The following IL1RAPL1 variants were observed in gnomAD, a reference collection of about 807,000 sequenced individuals.
The protein encoded by IL1RAPL1 is interleukin 1 receptor accessory protein like 1.
Under a neutral mutation model 48.4 loss-of-function variants are expected in IL1RAPL1, and 3 were observed. The ratio of observed to expected loss-of-function variants is 0.06; its 90% CI spans 0.03 to 0.16. The LOEUF (loss-of-function observed/expected upper bound fraction) is 0.16. Ranked by LOEUF, IL1RAPL1 falls within the 10% of genes least tolerant of loss-of-function variation. The probability of loss-of-function intolerance (pLI) is 1.00; values close to 1 mark genes in which losing one functional copy is unlikely to be tolerated. For missense variants in IL1RAPL1, 349 were observed against 530.6 expected, an observed-to-expected ratio of 0.66 and a Z score of 3.36; for synonymous variants, 185 against 187.7, an observed-to-expected ratio of 0.99 and a Z score of 0.12.
intron 2 of IL1RAPL1, among the ~76,000 whole-genome samples, chrX:29,253,381 A>C (rs988046609): frequency 3.6e-5 from 4 of 111,518 alleles, no homozygotes; most frequent in African/African-American, 1.3e-4. Context: ...TAAGTCTTAG[A>C]TAACAAAAGG....
chrX:29,659,215 G>A (rs1016726279), intron 5 of IL1RAPL1, among the ~76,000 whole-genome samples: 1 of 111,461 alleles, frequency 9.0e-6, no homozygotes, highest in Non-Finnish European at 1.9e-5. Context: ...CCAATGGAAC[G>A]AAATAGAGTT....
chrX:28,757,793 CTT>C (rs1176431185), intron 1 of IL1RAPL1, among the ~76,000 whole-genome samples: 1 of 112,089 alleles, frequency 8.9e-6, no homozygotes, highest in African/African-American at 3.2e-5. Flanking sequence ...CTTATTTACT[CTT>C]TAGTCGACGT....
At chrX:29,078,099 G>A (rs370960383) in intron 2 of IL1RAPL1, among the ~76,000 whole-genome samples, 1 of 111,557 alleles carries the variant, frequency 9.0e-6, no homozygotes, top group Non-Finnish European at 1.9e-5. Context: ...GTGAAACTCC[G>A]TGTCTACTAA....
At chrX:28,631,727 G>A (rs1235296031) in intron 1 of IL1RAPL1, among the ~76,000 whole-genome samples, 1 of 112,497 alleles carries the variant, frequency 8.9e-6, no homozygotes, top group Non-Finnish European at 1.9e-5. Context: ...AGATTAAGAA[G>A]GTTTCAACAC....
chrX:29,288,128 A>G (rs1398148604), intron 3 of IL1RAPL1, among the ~76,000 whole-genome samples: 1 of 111,090 alleles, frequency 9.0e-6, no homozygotes, highest in Non-Finnish European at 1.9e-5. Flanking sequence ...TTTATTTTTT[A>G]TTTTTTATTT....
intron 2 of IL1RAPL1, among the ~76,000 whole-genome samples, chrX:29,256,674 C>T (rs991687276): frequency 9.0e-6 from 1 of 111,041 alleles, no homozygotes; most frequent in East Asian, 2.8e-4. Context: ...GGGTAGCTTC[C>T]GAGATCACCG....
chrX:28,702,803 C>T (rs1379443758), intron 1 of IL1RAPL1, among the ~76,000 whole-genome samples: 5 of 106,850 alleles, frequency 4.7e-5, no homozygotes, highest in African/African-American at 1.7e-4. Flanking sequence ...ACATGTTTTT[C>T]CTGTATTTAT....
intron 1 of IL1RAPL1, among the ~76,000 whole-genome samples, chrX:28,737,205 CTCTTTCTTTCTTTCTTTCTTTCTT>C (rs762616408): frequency 1.6e-4 from 8 of 50,275 alleles, no homozygotes; most frequent in Admixed American, 2.7e-4. Context: ...TTCTTTCTTT[CTCTTTCTTTCTTTCTTTCTTTCTT>C]TCTTTCTTTC....
intron 2 of IL1RAPL1, among the ~76,000 whole-genome samples, chrX:28,951,609 C>A (rs997272712): frequency 2.7e-5 from 3 of 110,826 alleles, no homozygotes; most frequent in African/African-American, 9.8e-5. Context: ...GAATTGATAT[C>A]TGCTTAGCCT....
In IL1RAPL1 at chrX:29,561,853, C is replaced by G. The variant is rs149742888; in HGVS notation, c.704-106577C>G. Among the ~76,000 whole-genome samples the G allele has an allele frequency of 5.0e-3, 553 of 110,866 alleles. 2 individuals are homozygous for G. The highest frequency in any genetic ancestry group is 0.018 in the African/African-American group (534 of 30,468). On this transcript the variant is annotated intron_variant, in intron 5 of 10. Coordinates refer to ENST00000378993, the MANE Select transcript of IL1RAPL1 (RefSeq NM_014271.4). ...GAACTGAAAACTCTTATCCCACCAT[C>G]TTTCTAATGTCACTCTTCTCTGAAT... is the stretch of plus-strand genomic sequence containing the variant.
chrX:29,543,553 A>C (rs954511450), intron 5 of IL1RAPL1, among the ~76,000 whole-genome samples: 2 of 107,106 alleles, frequency 1.9e-5, no homozygotes, highest in Non-Finnish European at 3.8e-5. Flanking sequence ...TGTCTGAATC[A>C]TTTCAGGGTG....
chrX:28,945,807 T>A (rs779512425), intron 2 of IL1RAPL1, among the ~76,000 whole-genome samples: 2 of 109,240 alleles, frequency 1.8e-5, no homozygotes, highest in Non-Finnish European at 3.8e-5. Context: ...GTTAGTTGTT[T>A]AATGAGGGTA....
chrX:28,636,293 T>A (rs1934464029), intron 1 of IL1RAPL1, among the ~76,000 whole-genome samples: 1 of 112,269 alleles, frequency 8.9e-6, no homozygotes, highest in Admixed American at 9.5e-5. Context: ...ATTGATTGCC[T>A]ACTATAATTC....
chrX:28,660,603 T>C (rs762835125), intron 1 of IL1RAPL1, among the ~76,000 whole-genome samples: 2 of 111,971 alleles, frequency 1.8e-5, no homozygotes, highest in Admixed American at 9.5e-5. Context: ...ATAACACATT[T>C]AGAAATACAG....
chrX:28,953,725 C>CT (rs1924530788), intron 2 of IL1RAPL1, among the ~76,000 whole-genome samples: 1 of 110,566 alleles, frequency 9.0e-6, no homozygotes, highest in Admixed American at 9.7e-5. Context: ...TGAATTGTAA[C>CT]TTTTTTTACA....
chrX:29,315,371 T>TA (rs987167964), intron 3 of IL1RAPL1, among the ~76,000 whole-genome samples: 10 of 112,003 alleles, frequency 8.9e-5, no homozygotes, highest in African/African-American at 3.2e-4. Context: ...GGTCCTATCT[T>TA]ACACAGTTTA....
intron 1 of IL1RAPL1, among the ~76,000 whole-genome samples, chrX:28,602,104 C>CAAAA (rs1168499677): frequency 2.6e-5 from 1 of 38,228 alleles, no homozygotes; most frequent in African/African-American, 9.4e-5. Flanking sequence ...GACTCCATCT[C>CAAAA]AAAAAAAAAA....
intron 2 of IL1RAPL1, among the ~76,000 whole-genome samples, chrX:29,017,859 T>A (rs910331730): frequency 7.2e-5 from 8 of 111,592 alleles, no homozygotes; most frequent in African/African-American, 2.6e-4. Context: ...TTGATATACA[T>A]TTAAAATATT....
intron 2 of IL1RAPL1, among the ~76,000 whole-genome samples, chrX:29,080,666 A>G (rs184926408): frequency 6.7e-4 from 74 of 111,246 alleles, no homozygotes; most frequent in Middle Eastern, 9.2e-3. Context: ...CAAAGTCACT[A>G]AAGAACATAA....
Sources: allele counts gnomAD v4.1 joint callset (sites outside exome capture counted in the v4.1 genomes callset), GRCh38; gene constraint gnomAD v4.1.1; transcripts MANE v1.5; gene names NCBI Gene and HGNC (gene_info 2026-07-23, HGNC 2026-07-21).